WNK4: variants seen among roughly 807,000 people sequenced by gnomAD.
WNK4 encodes the protein serine/threonine-protein kinase WNK4.
WNK4 carries 94 observed loss-of-function variants against 116.2 expected under a neutral mutation model. That is an observed-to-expected ratio of 0.81 (90% CI 0.68 to 0.96). WNK4 has a LOEUF of 0.96. Among genes scored for constraint, WNK4 ranks in the 40% least tolerant of loss-of-function variants. The pLI is 0.00. For missense variants in WNK4, 1,542 were observed against 1,650.6 expected (o/e 0.93, Z 1.14); for synonymous variants, 655 against 672.7 (o/e 0.97, Z 0.41).
At chr17:42,793,037 A>G (rs959951612) in intron 11 of WNK4, among the ~76,000 whole-genome samples, 1 of 152,178 alleles carries the variant, frequency 6.6e-6, no homozygotes, top group Admixed American at 6.5e-5. Context: ...CCAGAAAGTT[A>G]CTGGTGGTGT....
At chr17:42,785,029 TG>T in intron 4 of WNK4, 67 bp from the exon 5 acceptor site, 10 of 1,401,412 alleles carry the variant, frequency 7.1e-6, no homozygotes, top group Non-Finnish European at 7.6e-6. Flanking sequence ...GAGTAAGGGG[TG>T]GGGGGTGGTG....
chr17:42,794,322 C>G, intron 12 of WNK4: 1 of 499,888 alleles, frequency 2.0e-6, no homozygotes, highest in Non-Finnish European at 3.6e-6. Context: ...ATACCCTTTG[C>G]CCAGATTTGC....
At chr17:42,794,394 G>A (rs2054639005) in intron 12 of WNK4, 1 of 606,786 alleles carries the variant, frequency 1.6e-6, no homozygotes, top group Non-Finnish European at 3.0e-6. Context: ...CTCTGTATGT[G>A]TGCATACATA....
In WNK4 at chr17:42,784,473, C is replaced by T; in HGVS notation, c.1064C>T (p.Ala355Val). ...PEMYEEKYDE[A>V]VDVYAFGMCM... Reference sequence around the variant, plus strand: ...ATGTACGAGGAAAAGTACGATGAGGCCGTGGACGTGTACGCGTTCGGCATG... The same window carrying T: ...ATGTACGAGGAAAAGTACGATGAGGTCGTGGACGTGTACGCGTTCGGCATG... Residue 355 changes from alanine to valine, a missense_variant, in exon 4 of 19, where the codon GCC becomes GTC. Physicochemically the swap from Ala to Val is moderately conservative, Grantham distance 64 (BLOSUM62 0). Coordinates refer to ENST00000246914, the MANE Select transcript of WNK4 (RefSeq NM_032387.5). This position sits in a 1 kb window ranked among gnomAD's most constrained non-coding sequence, Gnocchi z 4.4. The T allele has an allele frequency of 6.2e-7, 1 of 1,613,962 alleles. No individual in the cohort carries two copies. The highest frequency in any genetic ancestry group is 1.1e-5 in the South Asian group (1 of 91,036).
chr17:42,784,268 C>T lies in WNK4; in HGVS notation c.1012+111C>T. 2.6e-6 allele frequency: 4 copies of T among 1,549,306 alleles called. No homozygotes were observed. The highest frequency in any genetic ancestry group is 1.1e-5 in the South Asian group (1 of 88,890). On this transcript the variant is annotated intron_variant, in intron 3 of 18. Transcript: ENST00000246914. The surrounding 1 kb of genome is among the most constrained non-coding windows in gnomAD (Gnocchi z 4.4). Reference sequence around the variant, plus strand: ...CTTCAAGGTCCACAAAACTACCAGACGACAGGGAAGCTGAGGAGACCTATG... The same window carrying T: ...CTTCAAGGTCCACAAAACTACCAGATGACAGGGAAGCTGAGGAGACCTATG...
In WNK4 at chr17:42,784,960, A is replaced by T; in HGVS notation, c.1171-137A>T. ...GGCGGGGATTAGGATTTGAAATCAC[A>T]TCTTCCAGTAGCAGTCAGGCTTTTG... On this transcript the variant is annotated intron_variant, in intron 4 of 18. Transcript: ENST00000246914. The surrounding 1 kb of genome is among the most constrained non-coding windows in gnomAD (Gnocchi z 4.4). 2 of 809,552 alleles carry T rather than the reference A, an allele frequency of 2.5e-6. No individual in the cohort carries two copies. The highest frequency in any genetic ancestry group is 5.5e-5 in the East Asian group (2 of 36,338). 50.1% of individuals were successfully genotyped at this position (809,552 alleles called of 1,614,324 possible).
intron 2 of WNK4, 149 bp downstream of exon 2, chr17:42,783,079 G>A: frequency 3.7e-6 from 4 of 1,080,282 alleles, no homozygotes; most frequent in South Asian, 1.5e-5. Context: ...TCCCTGCCTC[G>A]GTGAGTGGCA....
In WNK4 at chr17:42,784,865, C is replaced by T. The variant is rs2054526347; in HGVS notation, c.1171-232C>T. Among the ~76,000 whole-genome samples the T allele has an allele frequency of 6.6e-6, 1 of 151,000 alleles. No homozygotes were observed. Among genetic ancestry groups the T allele is most frequent in the African/African-American group, 2.5e-5 (1 of 40,462 alleles). ...TGAGGTGAGCGGGGCAAATGTTCCA[C>T]CCTGCGATTTACAGATGAACAAACA... On this transcript the variant is annotated intron_variant, in intron 4 of 18. Transcript: ENST00000246914. The surrounding 1 kb of genome is among the most constrained non-coding windows in gnomAD (Gnocchi z 4.4).
chr17:42,796,624 G>A, intron 18 of WNK4, 46 bp downstream of exon 18: 1 of 1,614,214 alleles, frequency 6.2e-7, no homozygotes, highest in Non-Finnish European at 8.5e-7. Context: ...ATGGTACCTG[G>A]CTGCAGCTTC....
Position 42,794,526 on chromosome 17 carries a change from G to A in WNK4, c.2296-88G>A. ...CATGTACAGACTCCTATAGGTTCAT[G>A]GGTCCTAGCTTAGGAACCCCGGTCT... On this transcript the variant is annotated intron_variant, in intron 12 of 18. Coordinates refer to ENST00000246914, the MANE Select transcript of WNK4 (RefSeq NM_032387.5). The A allele has an allele frequency of 2.8e-6, 4 of 1,434,444 alleles. No homozygotes were observed. The South Asian group carries it at 4.7e-5, about 17-fold the overall frequency. 88.9% of individuals were successfully genotyped at this position (1,434,444 alleles called of 1,614,324 possible). A position where few individuals can be genotyped will look rare whatever the true frequency, so the allele number is the denominator to read the frequency against.
At position 42,794,974 on chromosome 17, in the gene WNK4, C is replaced by G. The variant is rs762028960; in HGVS notation, c.2553C>G (p.Ser851=). 6.2e-7 allele frequency: 1 copy of G among 1,612,510 alleles called. No individual in the cohort carries two copies. The highest frequency in any genetic ancestry group is 8.5e-7 in the Non-Finnish European group (1 of 1,179,504). ...SPFSPISSQV[S]SNPSPHPTSS... ...TCTCCCCCATTTCTTCCCAGGTCTC[C>G]TCAAATCCCTCTCCACACCCCACCA... The change falls in exon 14 of 19, where the codon TCC becomes TCG. Residue 851 remains serine, a synonymous_variant. Coordinates refer to ENST00000246914, the MANE Select transcript of WNK4 (RefSeq NM_032387.5).
chr17:42,796,656 T>G, intron 18 of WNK4, 30 bp from the exon 19 acceptor site: 1 of 1,614,082 alleles, frequency 6.2e-7, no homozygotes, highest in Non-Finnish European at 8.5e-7. Context: ...ACCTTGGAGG[T>G]TTCTTCATCA....
At position 42,796,967 on chromosome 17, in the gene WNK4, G is replaced by T; in HGVS notation, c.*279G>T. On this transcript the variant is annotated 3_prime_UTR_variant, in exon 19 of 19. Coordinates refer to ENST00000246914, the MANE Select transcript of WNK4 (RefSeq NM_032387.5). ...TCAACCACTAAGCAATCCCACCCAA[G>T]CCTGGATGCTTCTAGAGGGGCCCAC... is the stretch of plus-strand genomic sequence containing the variant. 1.7e-6 allele frequency: 1 copy of T among 591,096 alleles called. No homozygotes were observed. The highest frequency in any genetic ancestry group is 2.0e-5 in the South Asian group (1 of 49,754). 36.6% of individuals were successfully genotyped at this position (591,096 alleles called of 1,614,324 possible).
At chr17:42,790,594 A>G (rs1597900883) in intron 11 of WNK4, among the ~76,000 whole-genome samples, 1 of 152,160 alleles carries the variant, frequency 6.6e-6, no homozygotes, top group East Asian at 1.9e-4. Context: ...GTCTCAGCGC[A>G]TACCACCAGT....
In WNK4 at chr17:42,796,284, G is replaced by A. The variant is rs61755632; in HGVS notation, c.3593G>A (p.Arg1198His). 121 of 1,611,380 alleles carry A rather than the reference G, an allele frequency of 7.5e-5. No homozygotes were observed. In the African/African-American group the frequency reaches 1.1e-3, roughly 15 times the overall value. Reference protein sequence around the residue: ...RLSKGSFPTSRRNSLQRSEPP... With the variant: ...RLSKGSFPTSHRNSLQRSEPP... The stretch of plus-strand genomic sequence containing the variant: ...TCCAAGGGCAGCTTCCCCACCTCCC[G>A]CCGCAACAGCCTACAGCGCTCTGAG... Residue 1198 changes from arginine (R) to histidine (H), a missense_variant, in exon 17 of 19, where the codon CGC becomes CAC. Physicochemically the swap from Arg to His is conservative, Grantham distance 29 (BLOSUM62 0). Coordinates refer to ENST00000246914, the MANE Select transcript of WNK4 (RefSeq NM_032387.5).
Position 42,794,935 on chromosome 17 carries a change from CAG to C in WNK4, c.2515_2516del (p.Ser839ProfsTer63). On this transcript the variant is annotated frameshift_variant, in exon 14 of 19. Transcript: ENST00000246914. LOFTEE classifies it high-confidence loss of function. ...FPITSPPCHPSPSPFSPISSQ... is the reference protein window; with the variant it reads ...FPITSPPCHPXPSPFSPISSQ... ...CCATCACTTCTCCCCCATGTCATCC[CAG>C]CCCCTCCCCATTCTCCCCCATTTCT... 1 of 1,612,476 alleles carries C rather than the reference CAG, an allele frequency of 6.2e-7. No individual in the cohort carries two copies. Among genetic ancestry groups the C allele is most frequent in the Admixed American group, 1.7e-5 (1 of 59,864 alleles).
rs375116020 is a variant in WNK4 at position 42,795,677 on chromosome 17, G to T, written c.3075G>T (p.Pro1025=). 1 of 1,613,144 alleles carries T rather than the reference G, an allele frequency of 6.2e-7. No individual in the cohort carries two copies. Among genetic ancestry groups the T allele is most frequent in the Non-Finnish European group, 8.5e-7 (1 of 1,180,032 alleles). Residue 1025 remains proline (P), a synonymous_variant, in exon 16 of 19, where the codon CCG becomes CCT. Transcript: ENST00000246914. Reference sequence around the variant, plus strand: ...TCCAAGTGACTTCATCCAAGGAACCGGCTGAGCCTCTTCCCTTGCAGCCAA... The same window carrying T: ...TCCAAGTGACTTCATCCAAGGAACCTGCTGAGCCTCTTCCCTTGCAGCCAA... ...GRFQVTSSKE[P]AEPLPLQPTS... is the part of the protein sequence containing the mutation.
intron 1 of WNK4, among the ~76,000 whole-genome samples, chr17:42,781,518 G>A (rs768978633): frequency 3.9e-5 from 6 of 152,210 alleles, no homozygotes; most frequent in Non-Finnish European, 8.8e-5. Context: ...GGTGGTGTCT[G>A]GTGACTCCCC....
chr17:42,782,621 TG>T lies in WNK4; in HGVS notation c.619-134del. 1 of 998,502 alleles carries T rather than the reference TG, an allele frequency of 1.0e-6. No individual in the cohort carries two copies. The highest frequency in any genetic ancestry group is 1.5e-6 in the Non-Finnish European group (1 of 661,962). The allele number at this position is 998,502 out of a possible 1,614,324, so 61.9% of individuals were successfully genotyped here. ...GGAGAGTTCAGGGTCTGCAGCCCAC[TG>T]GGCAAGTAATCCCATTAACCCCACC... On this transcript the variant is annotated intron_variant, in intron 1 of 18. Transcript: ENST00000246914. This position sits in a 1 kb window ranked among gnomAD's most constrained non-coding sequence, Gnocchi z 4.2.
Sources: allele counts gnomAD v4.1 joint callset (sites outside exome capture counted in the v4.1 genomes callset), GRCh38; gene constraint gnomAD v4.1.1; non-coding constraint Gnocchi (gnomAD v3.1); transcripts MANE v1.5; gene names NCBI Gene and HGNC (gene_info 2026-07-23, HGNC 2026-07-21).